UBE3D: variants seen among roughly 807,000 people sequenced by gnomAD.
The protein encoded by UBE3D is ubiquitin protein ligase E3D.
UBE3D carries 48 observed loss-of-function variants against 49.6 expected under a neutral mutation model. That is an observed-to-expected ratio of 0.97 (90% confidence interval 0.77 to 1.23). The LOEUF is 1.23. Ranked by LOEUF, UBE3D falls within the 50% of genes most tolerant of loss-of-function variation. The probability of loss-of-function intolerance (pLI) is 0.00; values close to 1 mark genes in which losing one functional copy is unlikely to be tolerated. For missense variants in UBE3D, 452 were observed against 468.4 expected, an observed-to-expected ratio of 0.96 and a Z score of 0.32; for synonymous variants, 189 against 174.2, an observed-to-expected ratio of 1.08 and a Z score of -0.67.
chr6:83,020,731 A>T (rs542027149), intron 7 of UBE3D, among the ~76,000 whole-genome samples: 49 of 152,330 alleles, frequency 3.2e-4, no homozygotes, highest in African/African-American at 1.0e-3. Flanking sequence ...CAATTAGAAA[A>T]GCATAGTGTC....
intron 9 of UBE3D, chr6:82,924,799 A>C (rs1399168012): frequency 6.6e-6 from 1 of 152,204 alleles, no homozygotes; most frequent in African/African-American, 2.4e-5. Flanking sequence ...GAAAATGCAT[A>C]GTATTTATAG....
chr6:82,921,525 C>T (rs546686999), intron 9 of UBE3D, among the ~76,000 whole-genome samples: 1 of 152,210 alleles, frequency 6.6e-6, no homozygotes, highest in Admixed American at 6.5e-5. Flanking sequence ...TACCACTCGC[C>T]CATAGTAAAT....
intron 2 of UBE3D, among the ~76,000 whole-genome samples, chr6:83,056,097 C>A (rs573011936): frequency 6.6e-6 from 1 of 152,208 alleles, no homozygotes; most frequent in Non-Finnish European, 1.5e-5. Flanking sequence ...CAAATCAGCA[C>A]ATAGCAGTCA....
At chr6:82,913,327 G>T (rs1035719971) in intron 9 of UBE3D, among the ~76,000 whole-genome samples, 1 of 152,196 alleles carries the variant, frequency 6.6e-6, no homozygotes, top group East Asian at 1.9e-4. Context: ...GGGTTTTAGA[G>T]CCTGGGAGAA....
downstream of UBE3D, among the ~76,000 whole-genome samples, chr6:82,888,624 A>T (rs1399299046): frequency 6.6e-6 from 1 of 152,124 alleles, no homozygotes. Context: ...TAGGACACAA[A>T]TCCTGCCCTC....
At chr6:82,968,923 G>A (rs1777143120) in intron 8 of UBE3D, among the ~76,000 whole-genome samples, 2 of 152,258 alleles carry the variant, frequency 1.3e-5, no homozygotes, top group South Asian at 2.1e-4. Flanking sequence ...CTTCAGGAAT[G>A]CCATCAGTAG....
At chr6:82,889,094 C>T (rs13207149), downstream of UBE3D, among the ~76,000 whole-genome samples, 1 of 152,066 alleles carries the variant, frequency 6.6e-6, no homozygotes, top group African/African-American at 2.4e-5. Context: ...GTGTAGAACT[C>T]TTAAATAAGC....
At chr6:82,997,588 G>A (rs1178112195) in intron 8 of UBE3D, among the ~76,000 whole-genome samples, 1 of 151,976 alleles carries the variant, frequency 6.6e-6, no homozygotes, top group Non-Finnish European at 1.5e-5. Context: ...GCATGGTGGC[G>A]GGTGCCTGTA....
At position 82,985,466 on chromosome 6, in the gene UBE3D, G is replaced by A. The variant is rs138183194; in HGVS notation, c.1011-28016C>T. On this transcript the variant is annotated intron_variant, in intron 8 of 9. Transcript: ENST00000369747. ...CAACCTCTGCCTCCCAGGTTCAAGC[G>A]ATTCTCCTGCTTCAGCCTCCCAAGT... Among the ~76,000 whole-genome samples the A allele has an allele frequency of 1.7e-3, 254 of 152,086 alleles. 2 individuals carry two copies. The highest frequency in any genetic ancestry group is 5.0e-3 in the African/African-American group (209 of 41,510).
At chr6:83,008,754 A>G (rs577372041) in intron 8 of UBE3D, among the ~76,000 whole-genome samples, 1 of 152,360 alleles carries the variant, frequency 6.6e-6, no homozygotes, top group East Asian at 1.9e-4. Context: ...TATGCCAGGA[A>G]GTCTACAGCT....
downstream of UBE3D, among the ~76,000 whole-genome samples, chr6:82,887,982 T>C (rs1430151735): frequency 6.6e-6 from 1 of 151,906 alleles, no homozygotes; most frequent in Non-Finnish European, 1.5e-5. Context: ...GTGTGGGAAA[T>C]GTAAGGGGAG....
chr6:82,913,775 T>C (rs1240004544), intron 9 of UBE3D, among the ~76,000 whole-genome samples: 1 of 152,204 alleles, frequency 6.6e-6, no homozygotes, highest in Non-Finnish European at 1.5e-5. Context: ...CAGAACTTAA[T>C]GATTCAAACT....
intron 9 of UBE3D, among the ~76,000 whole-genome samples, chr6:82,920,817 G>A (rs751396295): frequency 7.1e-6 from 1 of 141,476 alleles, no homozygotes; most frequent in Admixed American, 7.4e-5. Flanking sequence ...TTACAACTCC[G>A]ACTTCTCTTC....
At chr6:82,989,197 G>A (rs1778718098) in intron 8 of UBE3D, among the ~76,000 whole-genome samples, 1 of 151,992 alleles carries the variant, frequency 6.6e-6, no homozygotes, top group Non-Finnish European at 1.5e-5. Context: ...GCAGTACAAG[G>A]CCCCTGGGTG....
chr6:82,883,515 C>T, the UBE3D span, among the ~76,000 whole-genome samples: 1 of 152,124 alleles, frequency 6.6e-6, no homozygotes, highest in Non-Finnish European at 1.5e-5. Flanking sequence ...AGCGCCCACG[C>T]TTCAAAAAGT....
intron 9 of UBE3D, among the ~76,000 whole-genome samples, chr6:82,909,661 T>C (rs1178666967): frequency 6.6e-6 from 1 of 152,186 alleles, no homozygotes; most frequent in Non-Finnish European, 1.5e-5. Flanking sequence ...AACTCTTAGG[T>C]TGGAAAAGCT....
At chr6:82,898,107 T>G (rs955108949) in intron 9 of UBE3D, among the ~76,000 whole-genome samples, 1 of 151,958 alleles carries the variant, frequency 6.6e-6, no homozygotes, top group South Asian at 2.1e-4. Context: ...ATTAGAGAAA[T>G]GCAAATCAAA....
At chr6:83,001,139 C>T (rs965091931) in intron 8 of UBE3D, among the ~76,000 whole-genome samples, 6 of 152,158 alleles carry the variant, frequency 3.9e-5, no homozygotes, top group African/African-American at 7.2e-5. Flanking sequence ...CCACTGAGCC[C>T]GGCCCAAGCA....
chr6:82,912,444 G>C (rs938500932), intron 9 of UBE3D, among the ~76,000 whole-genome samples: 2 of 151,284 alleles, frequency 1.3e-5, no homozygotes, highest in Non-Finnish European at 2.9e-5. Context: ...GGAATTTTTG[G>C]ATTTTTTTTT....
Sources: gnomAD v4.1 joint callset for allele counts (sites outside exome capture counted in the v4.1 genomes callset) on GRCh38, gnomAD v4.1.1 for gene constraint, MANE v1.5 for transcripts, NCBI Gene and HGNC (gene_info 2026-07-23, HGNC 2026-07-21) for gene names.